SUSD1: variants seen among roughly 807,000 people sequenced by gnomAD.
The protein encoded by SUSD1 is sushi domain containing 1.
A neutral mutation model predicts 86.9 loss-of-function variants in SUSD1; 65 were observed. The ratio of observed to expected loss-of-function variants is 0.75; its 90% CI spans 0.61 to 0.92. The LOEUF is 0.92. Among genes scored for constraint, SUSD1 ranks in the 40% least tolerant of loss-of-function variants. The pLI, the probability that SUSD1 is intolerant of heterozygous loss-of-function variation, is 0.00. For missense variants in SUSD1, 850 were observed against 929.7 expected, an observed-to-expected ratio of 0.91 and a Z score of 1.11; for synonymous variants, 346 against 350.0, an observed-to-expected ratio of 0.99 and a Z score of 0.13.
chr9:112,072,725 TGA>T (rs1829337435), intron 12 of SUSD1, among the ~76,000 whole-genome samples: 1 of 152,154 alleles, frequency 6.6e-6, no homozygotes, highest in Admixed American at 6.5e-5. Context: ...TTTCTGGGAA[TGA>T]GAGAAATACG....
chr9:112,054,862 C>A (rs985123508), intron 14 of SUSD1, among the ~76,000 whole-genome samples: 2 of 152,256 alleles, frequency 1.3e-5, no homozygotes, highest in South Asian at 2.1e-4. Flanking sequence ...AGCTTTTATG[C>A]ATCTAAGGAC....
chr9:112,170,992 C>T (rs1279302264), intron 1 of SUSD1, among the ~76,000 whole-genome samples: 2 of 152,104 alleles, frequency 1.3e-5, no homozygotes, highest in African/African-American at 4.8e-5. Flanking sequence ...GGATTATAGG[C>T]GTGAGCCACC....
At position 112,052,217 on chromosome 9, in the gene SUSD1, C is replaced by T. The variant is rs564845797; in HGVS notation, c.2149+182G>A. 115 of 1,527,242 alleles carry T rather than the reference C, an allele frequency of 7.5e-5. 1 individual carries two copies. The South Asian group carries it at 1.3e-3, about 18-fold the overall frequency. 94.6% of individuals were successfully genotyped at this position (1,527,242 alleles called of 1,614,324 possible). On this transcript the variant is annotated intron_variant, in intron 15 of 16. Coordinates refer to ENST00000374270, the MANE Select transcript of SUSD1 (RefSeq NM_022486.5). Reference sequence around the variant, plus strand: ...TGGTGGGGTAGCTCTTTGTATAATTCCATAAGCTCCCATCCACTCACCCTC... The same window carrying T: ...TGGTGGGGTAGCTCTTTGTATAATTTCATAAGCTCCCATCCACTCACCCTC...
chr9:112,113,285 A>G lies in SUSD1; in HGVS notation c.887-417T>C, dbSNP rs184708503. ...CAGCAGAATGATGGGAAACTCCTTC[A>G]AGTCACTGCTATCCCCAGGGGGAAA... On this transcript the variant is annotated intron_variant, in intron 6 of 16. Transcript: ENST00000374270. This position sits in a 1 kb window ranked among gnomAD's most constrained non-coding sequence, Gnocchi z 4.1. Among the ~76,000 whole-genome samples the G allele has an allele frequency of 5.7e-4, 87 of 152,214 alleles. No homozygotes were observed. Among genetic ancestry groups the G allele is most frequent in the African/African-American group, 2.1e-3 (87 of 41,548 alleles).
chr9:112,084,730 G>A (rs755664341), intron 10 of SUSD1, among the ~76,000 whole-genome samples: 69 of 152,164 alleles, frequency 4.5e-4, no homozygotes, highest in Non-Finnish European at 8.2e-4. Context: ...TGAAAGATAC[G>A]TGCGGTGGTC....
At chr9:112,173,587 C>A in intron 1 of SUSD1, 1 of 389,140 alleles carries the variant, frequency 2.6e-6, no homozygotes, top group Non-Finnish European at 5.0e-6. Flanking sequence ...GAAGCTGGAG[C>A]TGCAGCCTGA....
At chr9:112,173,553 C>A in intron 1 of SUSD1, 1 of 340,294 alleles carries the variant, frequency 2.9e-6, no homozygotes. Flanking sequence ...GGCCTGAGCT[C>A]CTTCGGGAGT....
chr9:112,172,325 C>T (rs1834080760), intron 1 of SUSD1, among the ~76,000 whole-genome samples: 1 of 152,158 alleles, frequency 6.6e-6, no homozygotes, highest in Non-Finnish European at 1.5e-5. Flanking sequence ...CCATCCAATT[C>T]AAAGGCTTTT....
At chr9:112,103,246 C>T in intron 8 of SUSD1, 1 of 373,138 alleles carries the variant, frequency 2.7e-6, no homozygotes, top group Non-Finnish European at 5.3e-6. Context: ...ACATATTCAG[C>T]ACAAGGCAGC....
chr9:112,160,703 G>A (rs1234415839), intron 1 of SUSD1, among the ~76,000 whole-genome samples: 1 of 152,128 alleles, frequency 6.6e-6, no homozygotes, highest in African/African-American at 2.4e-5. Context: ...AAAAAGAGAT[G>A]GATGCATGGT....
chr9:112,149,356 G>A lies in SUSD1; in HGVS notation c.261C>T (p.Asn87=), dbSNP rs773678403. 2.5e-6 allele frequency: 4 copies of A among 1,613,978 alleles called. No individual in the cohort carries two copies. Among genetic ancestry groups the A allele is most frequent in the Non-Finnish European group, 3.4e-6 (4 of 1,180,036 alleles). ...CGGGGGTGTTGTGGCAAGATGTGTG[G>A]TTCCCACAGACAAGAGTGGCTCCAA... ...CQFGATLVCG[N]HTSCHNTPGG... Residue 87 remains asparagine, a synonymous_variant, in exon 3 of 17, where the codon AAC becomes AAT. Coordinates refer to ENST00000374270, the MANE Select transcript of SUSD1 (RefSeq NM_022486.5).
chr9:112,056,552 G>A (rs569705315), intron 14 of SUSD1, among the ~76,000 whole-genome samples: 3 of 152,298 alleles, frequency 2.0e-5, no homozygotes, highest in South Asian at 2.1e-4. Context: ...CCATGGGAAA[G>A]TCATCGCAAT....
chr9:112,142,358 C>T lies in SUSD1; in HGVS notation c.668G>A (p.Gly223Asp). 6.2e-7 allele frequency: 1 copy of T among 1,613,840 alleles called. No individual in the cohort carries two copies. Among genetic ancestry groups the T allele is most frequent in the Non-Finnish European group, 8.5e-7 (1 of 1,179,922 alleles). ...VPEDTVSSCT[G>D]LGTWESPKLH... ...TTTTGGGGACTCCCATGTGCCCAGGCCTGTGCAGCTTGAAACTGTATCTTC... is the reference window on the plus strand; with the variant it reads ...TTTTGGGGACTCCCATGTGCCCAGGTCTGTGCAGCTTGAAACTGTATCTTC... The change falls in exon 5 of 17, where the codon GGC becomes GAC. Residue 223 changes from glycine (G) to aspartate (D), a missense_variant. Physicochemically the swap from Gly to Asp is moderately conservative, Grantham distance 94. Transcript: ENST00000374270.
chr9:112,147,179 T>C (rs1169254369), intron 3 of SUSD1, among the ~76,000 whole-genome samples: 2 of 152,170 alleles, frequency 1.3e-5, no homozygotes, highest in African/African-American at 4.8e-5. Flanking sequence ...TGTCTGCTCG[T>C]CACCCTTCCA....
chr9:112,047,822 A>G (rs10981228), intron 15 of SUSD1, among the ~76,000 whole-genome samples: 12,075 of 152,228 alleles, frequency 0.079, 820 homozygotes, highest in East Asian at 0.29. Context: ...TCTGGTGAGC[A>G]TGTAGCCCTC....
At chr9:112,168,730 G>A (rs138848452) in intron 1 of SUSD1, among the ~76,000 whole-genome samples, 16 of 152,218 alleles carry the variant, frequency 1.1e-4, no homozygotes, top group South Asian at 4.1e-4. Flanking sequence ...TGAGATGGGA[G>A]GATCACTTGC....
intron 1 of SUSD1, among the ~76,000 whole-genome samples, chr9:112,164,959 A>C (rs1324117807): frequency 6.6e-6 from 1 of 151,668 alleles, no homozygotes; most frequent in Non-Finnish European, 1.5e-5. Context: ...ACAAAACAAA[A>C]CAAACAAACA....
intron 6 of SUSD1, among the ~76,000 whole-genome samples, chr9:112,121,872 C>T (rs1831569071): frequency 6.6e-6 from 1 of 152,196 alleles, no homozygotes; most frequent in Non-Finnish European, 1.5e-5. Context: ...TCACCTTGTT[C>T]CTCAGAGGCA....
At chr9:112,169,675 C>CTTT (rs36110944) in intron 1 of SUSD1, among the ~76,000 whole-genome samples, 3 of 138,026 alleles carry the variant, frequency 2.2e-5, no homozygotes, top group Non-Finnish European at 4.7e-5. Flanking sequence ...AAGGGTGTAC[C>CTTT]TTTTTTTTTT....
Sources: allele counts gnomAD v4.1 joint callset (sites outside exome capture counted in the v4.1 genomes callset), GRCh38; gene constraint gnomAD v4.1.1; non-coding constraint Gnocchi (gnomAD v3.1); transcripts MANE v1.5; gene names NCBI Gene and HGNC (gene_info 2026-07-23, HGNC 2026-07-21).